DCDC1: variants seen among roughly 807,000 people sequenced by gnomAD.
The protein encoded by DCDC1 is doublecortin domain containing 1, also known as doublecortin domain-containing protein 1.
DCDC1 carries 200 observed loss-of-function variants against 178.3 expected under a neutral mutation model. That is an observed-to-expected ratio of 1.12 (90% confidence interval 1.00 to 1.26). DCDC1 has a LOEUF of 1.26. Ranked by LOEUF, DCDC1 falls within the 50% of genes most tolerant of loss-of-function variation. The probability of loss-of-function intolerance (pLI) is 0.00; values close to 1 mark genes in which losing one functional copy is unlikely to be tolerated. For synonymous variants in DCDC1, 690 were observed against 604.8 expected, an observed-to-expected ratio of 1.14 and a Z score of -2.07; for missense variants, 1,983 against 1,749.2, an observed-to-expected ratio of 1.13 and a Z score of -2.38.
At chr11:31,348,402 G>C (rs1800198823) in intron 1 of DCDC1, among the ~76,000 whole-genome samples, 1 of 152,132 alleles carries the variant, frequency 6.6e-6, no homozygotes, top group African/African-American at 2.4e-5. Context: ...AAAACAGTCA[G>C]ATATTACCTC....
At chr11:31,107,286 T>A (rs1173037911) in intron 12 of DCDC1, among the ~76,000 whole-genome samples, 4 of 152,158 alleles carry the variant, frequency 2.6e-5, no homozygotes, top group African/African-American at 9.7e-5. Context: ...TCCTCTTTGA[T>A]AAGGGTTACG....
chr11:30,905,018 G>A lies in DCDC1; in HGVS notation c.4251C>T (p.Tyr1417=), dbSNP rs375979270. ...THQKAVKIIA[Y]KNGDGYRNGK... ...CATTACGATACCCATCCCCATTTTT[G>A]TATGCAATTATTTTCACTGCCTTCT... The change falls in exon 31 of 39, where the codon TAC becomes TAT. Residue 1417 remains tyrosine (Y), a synonymous_variant. Coordinates refer to ENST00000684477, the MANE Select transcript of DCDC1 (RefSeq NM_001387274.1). 5.1e-5 allele frequency: 83 copies of A among 1,613,686 alleles called. No individual in the cohort carries two copies. The highest frequency in any genetic ancestry group is 7.0e-5 in the Non-Finnish European group (82 of 1,179,780).
chr11:31,008,207 G>A (rs887065374), intron 20 of DCDC1, among the ~76,000 whole-genome samples: 4 of 152,184 alleles, frequency 2.6e-5, no homozygotes, highest in African/African-American at 4.8e-5. Flanking sequence ...AGTGGCAGTT[G>A]CAGAAGGCAA....
chr11:31,020,689 G>T (rs1190981225), intron 20 of DCDC1, among the ~76,000 whole-genome samples: 1 of 151,930 alleles, frequency 6.6e-6, no homozygotes, highest in African/African-American at 2.4e-5. Flanking sequence ...CTCCCTCCTT[G>T]GCCTCCCAAC....
chr11:31,147,345 G>T (rs556304880), intron 9 of DCDC1, among the ~76,000 whole-genome samples: 22 of 152,112 alleles, frequency 1.4e-4, no homozygotes, highest in African/African-American at 5.3e-4. Context: ...AGGAGTAAAG[G>T]TTTTTCTTGA....
chr11:31,037,801 T>G (rs1456123724), intron 20 of DCDC1, among the ~76,000 whole-genome samples: 1 of 152,090 alleles, frequency 6.6e-6, no homozygotes, highest in Non-Finnish European at 1.5e-5. Context: ...TCTTTAATTC[T>G]AACTTTCATT....
intron 20 of DCDC1, among the ~76,000 whole-genome samples, chr11:31,053,628 A>T (rs1279190357): frequency 6.6e-6 from 1 of 152,194 alleles, no homozygotes; most frequent in African/African-American, 2.4e-5. Context: ...AAGATAATCC[A>T]CTATGATCAA....
At chr11:31,103,923 T>C (rs1018370966) in intron 13 of DCDC1, among the ~76,000 whole-genome samples, 154 bp from the exon 14 acceptor site, 2 of 152,230 alleles carry the variant, frequency 1.3e-5, no homozygotes, top group Non-Finnish European at 2.9e-5. Flanking sequence ...TGGTATTCTA[T>C]ATTAACACCT....
intron 31 of DCDC1, chr11:30,904,753 T>C (rs1944938562): frequency 1.6e-6 from 1 of 607,414 alleles, no homozygotes; most frequent in African/African-American, 1.9e-5. Context: ...AACTGAATTC[T>C]GGTTTCTAGT....
At chr11:31,098,185 C>T (rs1042596956) in intron 15 of DCDC1, among the ~76,000 whole-genome samples, 6 of 152,118 alleles carry the variant, frequency 3.9e-5, no homozygotes, top group African/African-American at 9.7e-5. Context: ...CCAGGCATTC[C>T]TAAAGCTATT....
intron 1 of DCDC1, among the ~76,000 whole-genome samples, chr11:31,355,991 G>A (rs1951330808): frequency 2.6e-5 from 4 of 152,112 alleles, no homozygotes; most frequent in Admixed American, 2.6e-4. Flanking sequence ...AAAAGGAAAT[G>A]GGAATGAGTA....
intron 9 of DCDC1, among the ~76,000 whole-genome samples, chr11:31,205,808 G>A (rs1971798448): frequency 6.6e-6 from 1 of 151,902 alleles, no homozygotes; most frequent in African/African-American, 2.4e-5. Flanking sequence ...TTCAATATAA[G>A]TATGTCCCAT....
intron 9 of DCDC1, among the ~76,000 whole-genome samples, chr11:31,213,589 G>A (rs564428147): frequency 2.6e-5 from 4 of 151,670 alleles, no homozygotes; most frequent in African/African-American, 7.3e-5. Context: ...GCGTGGTGGC[G>A]GGCACCTGTA....
chr11:31,217,768 C>T (rs984679112), intron 9 of DCDC1, among the ~76,000 whole-genome samples: 1 of 152,048 alleles, frequency 6.6e-6, no homozygotes, highest in South Asian at 2.1e-4. Flanking sequence ...CACATGCATG[C>T]TAATAAGATT....
intron 9 of DCDC1, among the ~76,000 whole-genome samples, chr11:31,174,741 G>A (rs1387940796): frequency 2.6e-5 from 4 of 152,244 alleles, no homozygotes; most frequent in African/African-American, 9.6e-5. Context: ...GAAGACACTG[G>A]GACAACCAGC....
At chr11:30,950,265 G>C (rs1194062524) in intron 21 of DCDC1, among the ~76,000 whole-genome samples, 1 of 152,120 alleles carries the variant, frequency 6.6e-6, no homozygotes, top group Non-Finnish European at 1.5e-5. Flanking sequence ...AATTAGTACA[G>C]CCATTATGGA....
intron 6 of DCDC1, among the ~76,000 whole-genome samples, chr11:31,294,749 A>C: frequency 6.8e-6 from 1 of 146,870 alleles, no homozygotes; most frequent in Non-Finnish European, 1.5e-5. Flanking sequence ...GGAGGGAGGA[A>C]AAGAAAGAAA....
chr11:31,147,052 A>T (rs1161893911), intron 9 of DCDC1, among the ~76,000 whole-genome samples: 1 of 152,036 alleles, frequency 6.6e-6, no homozygotes, highest in Admixed American at 6.6e-5. Flanking sequence ...ACTTGTTTTC[A>T]TTTACCTGGT....
Position 31,005,402 on chromosome 11 carries a change from G to A in DCDC1, c.2592-52834C>T, listed in dbSNP as rs553844201. On this transcript the variant is annotated intron_variant, in intron 20 of 38. Transcript: ENST00000684477. ...TTCCTTTGTTGGGGCCCAGGGCACA[G>A]CTGCAGTGAACCACAGAGCTCTACC... Among the ~76,000 whole-genome samples the A allele has an allele frequency of 3.9e-5, 6 of 152,094 alleles. No homozygotes were observed. In the South Asian group the frequency reaches 1.2e-3, roughly 32 times the overall value.
Sources: gnomAD v4.1 joint callset for allele counts (sites outside exome capture counted in the v4.1 genomes callset) on GRCh38, gnomAD v4.1.1 for gene constraint, MANE v1.5 for transcripts, NCBI Gene and HGNC (gene_info 2026-07-23, HGNC 2026-07-21) for gene names.